The following CNTN5 variants were observed in gnomAD, a reference collection of about 807,000 sequenced individuals.
The protein encoded by CNTN5 is contactin-5.
CNTN5 carries 77 observed loss-of-function variants against 129.1 expected under a neutral mutation model. The ratio of observed to expected loss-of-function variants is 0.60; its 90% CI spans 0.50 to 0.72. CNTN5 has a LOEUF of 0.72. Among genes scored for constraint, CNTN5 ranks in the 30% least tolerant of loss-of-function variants. The probability of loss-of-function intolerance (pLI) is 0.00; values close to 1 mark genes in which losing one functional copy is unlikely to be tolerated. For missense variants in CNTN5, 1,478 were observed against 1,328.8 expected (o/e 1.11, Z -1.75); for synonymous variants, 509 against 465.6 (o/e 1.09, Z -1.20).
intron 1 of CNTN5, among the ~76,000 whole-genome samples, chr11:99,280,471 G>A (rs1863644709): frequency 6.6e-6 from 1 of 151,034 alleles, no homozygotes; most frequent in Non-Finnish European, 1.5e-5. Flanking sequence ...AACTGAAAAA[G>A]GTACACATTC....
intron 13 of CNTN5, among the ~76,000 whole-genome samples, chr11:100,112,494 T>G (rs1170085974): frequency 6.6e-6 from 1 of 152,150 alleles, no homozygotes; most frequent in South Asian, 2.1e-4. Flanking sequence ...CATATATCCC[T>G]GTGTTGTCTT....
At chr11:100,136,494 T>A (rs963085898) in intron 13 of CNTN5, among the ~76,000 whole-genome samples, 6 of 152,080 alleles carry the variant, frequency 3.9e-5, no homozygotes, top group Non-Finnish European at 8.8e-5. Flanking sequence ...GAGGAAAAAA[T>A]GACCTATTTT....
intron 9 of CNTN5, among the ~76,000 whole-genome samples, chr11:100,056,298 G>A (rs1014984354): frequency 6.6e-6 from 1 of 151,536 alleles, no homozygotes; most frequent in Admixed American, 6.6e-5. Context: ...ATAAATTGGA[G>A]CAACAAAATC....
chr11:99,650,382 T>C (rs978731968), intron 3 of CNTN5, among the ~76,000 whole-genome samples: 2 of 151,818 alleles, frequency 1.3e-5, no homozygotes, highest in African/African-American at 4.8e-5. Flanking sequence ...GAACAGATGA[T>C]TATAAAGCTA....
At chr11:99,092,159 G>A (rs1866279202) in intron 1 of CNTN5, among the ~76,000 whole-genome samples, 1 of 152,090 alleles carries the variant, frequency 6.6e-6, no homozygotes, top group Non-Finnish European at 1.5e-5. Flanking sequence ...TATCATAATT[G>A]TATGACTTCT....
intron 3 of CNTN5, among the ~76,000 whole-genome samples, chr11:99,581,865 A>G (rs991559279): frequency 4.6e-5 from 7 of 152,268 alleles, no homozygotes; most frequent in African/African-American, 9.6e-5. Context: ...TGATCCTGTC[A>G]TTATGATGTT....
intron 3 of CNTN5, among the ~76,000 whole-genome samples, chr11:99,679,294 C>T (rs1158610648): frequency 6.6e-6 from 1 of 151,282 alleles, no homozygotes; most frequent in Non-Finnish European, 1.5e-5. Flanking sequence ...CATTTTATCG[C>T]ACTCTGCTTT....
At chr11:99,429,262 G>A (rs1272225958) in intron 2 of CNTN5, among the ~76,000 whole-genome samples, 3 of 152,044 alleles carry the variant, frequency 2.0e-5, no homozygotes, top group African/African-American at 7.2e-5. Context: ...CAATTAATTA[G>A]AGCTCTTTTA....
At chr11:99,339,615 T>TA (rs950900345) in intron 2 of CNTN5, among the ~76,000 whole-genome samples, 3 of 151,738 alleles carry the variant, frequency 2.0e-5, no homozygotes, top group Admixed American at 6.6e-5. Context: ...CCGTCTCTAC[T>TA]AAAAAAATAC....
intron 1 of CNTN5, among the ~76,000 whole-genome samples, chr11:99,240,601 G>GA (rs35516751): frequency 0.098 from 14,868 of 151,786 alleles, 1,572 homozygotes; most frequent in East Asian, 0.46. Flanking sequence ...AGCTTATTAT[G>GA]AAAAAAATTT....
chr11:99,856,186 TA>T (rs767885052), intron 6 of CNTN5, among the ~76,000 whole-genome samples: 1 of 152,226 alleles, frequency 6.6e-6, no homozygotes, highest in Non-Finnish European at 1.5e-5. Context: ...GTTTTGAGTC[TA>T]ATTCAGTATT....
chr11:100,274,590 G>T (rs1229174813), intron 18 of CNTN5, among the ~76,000 whole-genome samples: 12 of 152,146 alleles, frequency 7.9e-5, no homozygotes, highest in Admixed American at 7.9e-4. Context: ...TTCAAAAGAA[G>T]ACATACACGT....
At chr11:99,905,356 A>G (rs964704974) in intron 6 of CNTN5, among the ~76,000 whole-genome samples, 1 of 152,186 alleles carries the variant, frequency 6.6e-6, no homozygotes, top group Non-Finnish European at 1.5e-5. Flanking sequence ...TTTTCTGCAT[A>G]TGGCTAGCCA....
At chr11:99,981,720 A>G (rs1938360098) in intron 8 of CNTN5, among the ~76,000 whole-genome samples, 1 of 152,196 alleles carries the variant, frequency 6.6e-6, no homozygotes, top group Non-Finnish European at 1.5e-5. Context: ...CCTGGTCCTG[A>G]GTAATTATAA....
At chr11:99,066,893 G>A (rs1034942078) in intron 1 of CNTN5, among the ~76,000 whole-genome samples, 1 of 152,090 alleles carries the variant, frequency 6.6e-6, no homozygotes, top group Non-Finnish European at 1.5e-5. Flanking sequence ...CGATTCAAGG[G>A]CTTCTCACTG....
At chr11:99,665,368 C>G (rs965590536) in intron 3 of CNTN5, among the ~76,000 whole-genome samples, 1 of 151,210 alleles carries the variant, frequency 6.6e-6, no homozygotes, top group Admixed American at 6.6e-5. Context: ...AGAAACGTAA[C>G]CAGAGAGCAA....
chr11:99,210,800 G>A (rs749993349), intron 1 of CNTN5, among the ~76,000 whole-genome samples: 36 of 151,930 alleles, frequency 2.4e-4, no homozygotes, highest in Non-Finnish European at 3.2e-4. Context: ...CTTTTTTCTG[G>A]AGTTAATAAT....
intron 16 of CNTN5, among the ~76,000 whole-genome samples, chr11:100,233,109 G>A (rs1949528317): frequency 6.6e-6 from 1 of 152,108 alleles, no homozygotes. Flanking sequence ...AGGCAGACCA[G>A]CATTTTAAAT....
At chr11:100,138,239 T>C (rs991056308) in intron 13 of CNTN5, among the ~76,000 whole-genome samples, 3 of 127,734 alleles carry the variant, frequency 2.3e-5, no homozygotes, top group Non-Finnish European at 4.7e-5. Flanking sequence ...TATATAGTCC[T>C]GGCACTAAGG....
Sources: gnomAD v4.1 joint callset for allele counts (sites outside exome capture counted in the v4.1 genomes callset) on GRCh38, gnomAD v4.1.1 for gene constraint, MANE v1.5 for transcripts, NCBI Gene and HGNC (gene_info 2026-07-23, HGNC 2026-07-21) for gene names.